Variants in PRKG1 observed in about 807,000 individuals in gnomAD.
The protein encoded by PRKG1 is protein kinase cGMP-dependent 1.
In PRKG1, 35 loss-of-function variants were observed where a neutral mutation model predicts 88.1. That is an observed-to-expected ratio of 0.40 (90% confidence interval 0.30 to 0.53). The LOEUF (loss-of-function observed/expected upper bound fraction) is 0.53, where lower values mean the gene tolerates loss of function less well. PRKG1 is among the 20% of genes least tolerant of loss of function. The pLI, the probability that PRKG1 is intolerant of heterozygous loss-of-function variation, is 0.59. For missense variants in PRKG1, 540 were observed against 839.8 expected (o/e 0.64, Z 4.41); for synonymous variants, 303 against 292.5 (o/e 1.04, Z -0.37).
At chr10:51,795,145 A>C (rs1057054390) in intron 3 of PRKG1, among the ~76,000 whole-genome samples, 3 of 152,112 alleles carry the variant, frequency 2.0e-5, no homozygotes, top group Non-Finnish European at 4.4e-5. Context: ...GTTTCCAACA[A>C]TTATTGGAAG....
At chr10:52,009,130 C>G (rs945940485) in intron 5 of PRKG1, among the ~76,000 whole-genome samples, 1 of 152,108 alleles carries the variant, frequency 6.6e-6, no homozygotes, top group Non-Finnish European at 1.5e-5. Context: ...TGTGCCCTCT[C>G]TCACCACTCC....
chr10:51,707,762 G>C (rs545884851), intron 3 of PRKG1, among the ~76,000 whole-genome samples: 2 of 152,142 alleles, frequency 1.3e-5, no homozygotes, highest in Non-Finnish European at 2.9e-5. Context: ...GAAAACATTT[G>C]ATTCCAGGCT....
At chr10:51,754,444 G>A (rs1837805733) in intron 3 of PRKG1, among the ~76,000 whole-genome samples, 1 of 152,170 alleles carries the variant, frequency 6.6e-6, no homozygotes, top group South Asian at 2.1e-4. Flanking sequence ...CAAATGGGTG[G>A]CTTAATCTTA....
chr10:51,628,298 G>A (rs1347886157), intron 3 of PRKG1, among the ~76,000 whole-genome samples: 1 of 151,210 alleles, frequency 6.6e-6, no homozygotes, highest in East Asian at 2.0e-4. Flanking sequence ...GAGTAGCTGG[G>A]ACCACAGGTG....
chr10:51,202,814 T>A (rs949334827), intron 2 of PRKG1, among the ~76,000 whole-genome samples: 1 of 152,186 alleles, frequency 6.6e-6, no homozygotes, highest in Non-Finnish European at 1.5e-5. Flanking sequence ...GTGGCATGCC[T>A]TGAAAGCTAG....
At chr10:51,146,400 G>T (rs1379153604) in intron 1 of PRKG1, among the ~76,000 whole-genome samples, 4 of 150,716 alleles carry the variant, frequency 2.7e-5, no homozygotes, top group Admixed American at 6.6e-5. Flanking sequence ...TGTTTATTCA[G>T]ATCACATGCC....
chr10:51,038,041 G>T (rs1298423938), intron 1 of PRKG1, among the ~76,000 whole-genome samples: 1 of 152,090 alleles, frequency 6.6e-6, no homozygotes, highest in Non-Finnish European at 1.5e-5. Flanking sequence ...CCAATTATGT[G>T]TTTGTGTGTT....
intron 3 of PRKG1, among the ~76,000 whole-genome samples, chr10:51,793,948 G>C (rs549987712): frequency 6.6e-6 from 1 of 152,158 alleles, no homozygotes; most frequent in South Asian, 2.1e-4. Context: ...ATTTTTAGTA[G>C]AGACAGGATT....
chr10:51,039,993 T>C (rs894074867), intron 1 of PRKG1, among the ~76,000 whole-genome samples: 7 of 152,174 alleles, frequency 4.6e-5, no homozygotes, highest in African/African-American at 1.7e-4. Flanking sequence ...GTAATATAAT[T>C]TGAAGTCTGG....
In PRKG1 at chr10:51,787,813, A is replaced by G. The variant is rs182584366; in HGVS notation, c.593-16772A>G. The stretch of plus-strand genomic sequence containing the variant: ...TATTTTAAAAAACAAAAGTTCACAA[A>G]CTACTTATTACAATCAACCTTCAGA... On this transcript the variant is annotated intron_variant, in intron 3 of 17. Coordinates refer to ENST00000373980, the MANE Select transcript of PRKG1 (RefSeq NM_006258.4). Among the ~76,000 whole-genome samples the G allele has an allele frequency of 1.6e-3, 242 of 152,242 alleles. 3 individuals carry two copies. The highest frequency in any genetic ancestry group is 2.1e-3 in the Admixed American group (32 of 15,278).
At chr10:50,993,268 T>C (rs571530548) in intron 1 of PRKG1, among the ~76,000 whole-genome samples, 6 of 152,350 alleles carry the variant, frequency 3.9e-5, no homozygotes, top group African/African-American at 1.4e-4. Flanking sequence ...TGGGACCTTC[T>C]GAACAGCCAT....
Position 51,152,976 on chromosome 10 carries a change from CTT to C in PRKG1, c.312-172_312-171del, listed in dbSNP as rs1283273580. Among the ~76,000 whole-genome samples the C allele has an allele frequency of 9.8e-5, 11 of 112,650 alleles. No homozygotes were observed. In the South Asian group the frequency reaches 1.4e-3, roughly 14 times the overall value. 73.9% of individuals were successfully genotyped at this position (112,650 alleles called of 152,430 possible). A position where few individuals can be genotyped will look rare whatever the true frequency, so the allele number is the denominator to read the frequency against. Reference sequence around the variant, plus strand: ...AATACTTAAAAAAAATTCTTAGTGCCTTTTTTTTTTTTTTTTTGTTTTGCTGC... The same window carrying C: ...AATACTTAAAAAAAATTCTTAGTGCCTTTTTTTTTTTTTTTGTTTTGCTGC... On this transcript the variant is annotated intron_variant, in intron 1 of 17. Transcript: ENST00000373980.
chr10:51,034,687 T>TATAC (rs1404712285), intron 1 of PRKG1, among the ~76,000 whole-genome samples: 6 of 129,234 alleles, frequency 4.6e-5, no homozygotes, highest in African/African-American at 1.7e-4. Context: ...TATATATATA[T>TATAC]ATATATATAT....
chr10:51,202,317 A>G (rs1236346801), intron 2 of PRKG1, among the ~76,000 whole-genome samples: 1 of 152,228 alleles, frequency 6.6e-6, no homozygotes, highest in Non-Finnish European at 1.5e-5. Context: ...GGTGCAGTCT[A>G]TGCTGTAGAG....
In PRKG1 at chr10:51,101,010, C is replaced by T. The variant is rs981188812; in HGVS notation, c.311+26109C>T. Reference sequence around the variant, plus strand: ...GAAGAAGTTTTCACCAAGGGAGTCTCTTCTGGCTTGGTTCTCATCCCTCTC... The same window carrying T: ...GAAGAAGTTTTCACCAAGGGAGTCTTTTCTGGCTTGGTTCTCATCCCTCTC... On this transcript the variant is annotated intron_variant, in intron 1 of 17. Transcript: ENST00000373980. Among the ~76,000 whole-genome samples the T allele has an allele frequency of 5.3e-5, 8 of 152,252 alleles. No individual in the cohort carries two copies. The East Asian group carries it at 9.7e-4, about 18-fold the overall frequency.
intron 2 of PRKG1, among the ~76,000 whole-genome samples, chr10:51,198,636 C>T (rs1401840410): frequency 6.6e-6 from 1 of 152,192 alleles, no homozygotes; most frequent in African/African-American, 2.4e-5. Flanking sequence ...ATAACATACA[C>T]TCAGCTCAAA....
Position 51,536,170 on chromosome 10 carries a change from A to T in PRKG1, c.592+68334A>T, listed in dbSNP as rs1589054983. 2.6e-5 allele frequency among the ~76,000 whole-genome samples: 4 copies of T among 152,324 alleles called. No homozygotes were observed. The East Asian group carries it at 7.7e-4, about 29-fold the overall frequency. On this transcript the variant is annotated intron_variant, in intron 3 of 17. Transcript: ENST00000373980. The stretch of plus-strand genomic sequence containing the variant: ...AATCATAAAAAGAAGTACAAAACAG[A>T]AGTTGATGAAGTTAAGTGATCTGCC...
At chr10:51,312,557 G>A (rs1284785028) in intron 2 of PRKG1, among the ~76,000 whole-genome samples, 1 of 152,084 alleles carries the variant, frequency 6.6e-6, no homozygotes, top group Non-Finnish European at 1.5e-5. Context: ...CATGCCAAAT[G>A]AGGTAGGGGT....
intron 4 of PRKG1, 58 bp downstream of exon 4, chr10:51,804,748 T>G: frequency 8.2e-7 from 1 of 1,215,296 alleles, no homozygotes; most frequent in South Asian, 1.3e-5. Flanking sequence ...CCCTATTATC[T>G]GAAATGCAGC....
Sources: allele counts gnomAD v4.1 joint callset (sites outside exome capture counted in the v4.1 genomes callset), GRCh38; gene constraint gnomAD v4.1.1; transcripts MANE v1.5; gene names NCBI Gene and HGNC (gene_info 2026-07-23, HGNC 2026-07-21).